CDH13: variants seen among roughly 807,000 people sequenced by gnomAD.
CDH13 encodes the protein cadherin 13, also known as cadherin-13.
A neutral mutation model predicts 63.8 loss-of-function variants in CDH13; 24 were observed. That is an observed-to-expected ratio of 0.38 (90% CI 0.27 to 0.53). The LOEUF is 0.53. Ranked by LOEUF, CDH13 falls within the 20% of genes least tolerant of loss-of-function variation. CDH13 has a pLI of 0.85. For synonymous variants in CDH13, 503 were observed against 355.3 expected, an observed-to-expected ratio of 1.42 and a Z score of -4.67; for missense variants, 1,049 against 903.1, an observed-to-expected ratio of 1.16 and a Z score of -2.07.
chr16:83,765,250 A>T (rs1914288066), intron 11 of CDH13, among the ~76,000 whole-genome samples: 1 of 152,214 alleles, frequency 6.6e-6, no homozygotes, highest in South Asian at 2.1e-4. Context: ...TTATTGACTG[A>T]ATGAATAAAA....
At chr16:83,293,650 G>C (rs555216587) in intron 5 of CDH13, among the ~76,000 whole-genome samples, 19 of 152,244 alleles carry the variant, frequency 1.2e-4, no homozygotes, top group African/African-American at 3.9e-4. Flanking sequence ...ACATATTATA[G>C]TGAGAAATGT....
At chr16:82,758,878 C>T (rs74030841) in intron 1 of CDH13, among the ~76,000 whole-genome samples, 5,978 of 152,252 alleles carry the variant, frequency 0.039, 398 homozygotes, top group African/African-American at 0.14. Flanking sequence ...GATTTAGTCT[C>T]ATGTAAATCT....
intron 1 of CDH13, among the ~76,000 whole-genome samples, chr16:82,773,958 T>C (rs1381829976): frequency 1.3e-5 from 2 of 152,056 alleles, no homozygotes. Flanking sequence ...TGATTTTTTG[T>C]GTTTTTGGGA....
chr16:82,966,781 C>T (rs139521675), intron 2 of CDH13, among the ~76,000 whole-genome samples: 462 of 152,284 alleles, frequency 3.0e-3, no homozygotes, highest in African/African-American at 0.01. Flanking sequence ...ATTGCAGACT[C>T]GATGCCCCTT....
intron 5 of CDH13, among the ~76,000 whole-genome samples, chr16:83,235,712 A>G (rs372109469): frequency 1.0e-4 from 15 of 150,490 alleles, no homozygotes; most frequent in African/African-American, 3.4e-4. Context: ...GTTTATTTTT[A>G]TTGAAAATTA....
At chr16:83,363,910 C>T (rs1233362373) in intron 6 of CDH13, among the ~76,000 whole-genome samples, 1 of 152,030 alleles carries the variant, frequency 6.6e-6, no homozygotes, top group Non-Finnish European at 1.5e-5. Flanking sequence ...GGACTTGTGA[C>T]CTTGGGAGTG....
intron 4 of CDH13, among the ~76,000 whole-genome samples, chr16:83,173,687 A>C (rs1049860518): frequency 3.9e-5 from 6 of 152,148 alleles, no homozygotes; most frequent in Non-Finnish European, 8.8e-5. Context: ...AAACTATATG[A>C]AAGATGCTTC....
chr16:83,048,174 G>A (rs937555517), intron 3 of CDH13, among the ~76,000 whole-genome samples: 1 of 152,116 alleles, frequency 6.6e-6, no homozygotes, highest in East Asian at 1.9e-4. Flanking sequence ...CAGTGATGGA[G>A]ACCAAGATAT....
chr16:82,795,118 G>A (rs1416606003), intron 1 of CDH13, among the ~76,000 whole-genome samples: 1 of 152,214 alleles, frequency 6.6e-6, no homozygotes, highest in Non-Finnish European at 1.5e-5. Flanking sequence ...ACCAGATAGT[G>A]TGGGAAGGAG....
intron 3 of CDH13, among the ~76,000 whole-genome samples, chr16:83,118,281 C>T (rs1020918034): frequency 3.9e-5 from 6 of 152,180 alleles, no homozygotes; most frequent in Admixed American, 6.5e-5. Context: ...GTTCAGCACA[C>T]TGGAAGTGCG....
At chr16:83,544,396 C>T (rs1231514040) in intron 7 of CDH13, among the ~76,000 whole-genome samples, 1 of 152,042 alleles carries the variant, frequency 6.6e-6, no homozygotes, top group Non-Finnish European at 1.5e-5. Context: ...ACCCGATAAA[C>T]CCATCGTAAG....
At chr16:82,821,656 T>C (rs930321262) in intron 1 of CDH13, among the ~76,000 whole-genome samples, 1 of 152,184 alleles carries the variant, frequency 6.6e-6, no homozygotes, top group African/African-American at 2.4e-5. Context: ...ACTACAAACA[T>C]GAATCAATGA....
chr16:83,329,699 T>G (rs57066373), intron 5 of CDH13, among the ~76,000 whole-genome samples: 1,704 of 152,290 alleles, frequency 0.011, 28 homozygotes, highest in African/African-American at 0.039. Flanking sequence ...TCTGTGTCCT[T>G]GAGAGTCACC....
chr16:83,435,334 A>C (rs2072261812), intron 6 of CDH13, among the ~76,000 whole-genome samples: 1 of 152,134 alleles, frequency 6.6e-6, no homozygotes, highest in South Asian at 2.1e-4. Flanking sequence ...GTGAGCCACT[A>C]TGCCTGGCCC....
chr16:83,354,056 T>C (rs1016756298), intron 6 of CDH13, among the ~76,000 whole-genome samples: 1 of 152,268 alleles, frequency 6.6e-6, no homozygotes, highest in African/African-American at 2.4e-5. Flanking sequence ...GGAGCATTTG[T>C]AGCTTCAGAA....
At chr16:83,443,163 A>G (rs1260207345) in intron 6 of CDH13, among the ~76,000 whole-genome samples, 1 of 152,206 alleles carries the variant, frequency 6.6e-6, no homozygotes, top group African/African-American at 2.4e-5. Flanking sequence ...AAAGGAATTT[A>G]TTTGAAGCTG....
intron 1 of CDH13, among the ~76,000 whole-genome samples, chr16:82,648,970 A>G (rs28667358): frequency 0.24 from 35,923 of 152,068 alleles, 4,378 homozygotes; most frequent in Non-Finnish European, 0.27. Context: ...CCAATTTTAG[A>G]TGGTTGATCA....
chr16:82,781,841 G>A (rs1487877891), intron 1 of CDH13, among the ~76,000 whole-genome samples: 1 of 152,282 alleles, frequency 6.6e-6, no homozygotes, highest in East Asian at 1.9e-4. Context: ...TCTAGTACGG[G>A]AGTATATGTA....
At chr16:83,573,046 A>T (rs1375243500) in intron 7 of CDH13, among the ~76,000 whole-genome samples, 1 of 152,164 alleles carries the variant, frequency 6.6e-6, no homozygotes, top group African/African-American at 2.4e-5. Context: ...TCATCCACAG[A>T]ATATAGTAAG....
Sources: allele counts gnomAD v4.1 joint callset (sites outside exome capture counted in the v4.1 genomes callset), GRCh38; gene constraint gnomAD v4.1.1; transcripts MANE v1.5; gene names NCBI Gene and HGNC (gene_info 2026-07-23, HGNC 2026-07-21).